DTD1: variants seen among roughly 807,000 people sequenced by gnomAD.
DTD1 encodes the protein D-tyrosyl-tRNA deacylase 1 homolog.
DTD1 carries 13 observed loss-of-function variants against 25.6 expected under a neutral mutation model. The ratio of observed to expected loss-of-function variants is 0.51; its 90% CI spans 0.33 to 0.81. The LOEUF (loss-of-function observed/expected upper bound fraction) is 0.81, where lower values mean the gene tolerates loss of function less well. Ranked by LOEUF, DTD1 falls within the 30% of genes least tolerant of loss-of-function variation. The pLI is 0.02. For synonymous variants in DTD1, 110 were observed against 103.6 expected, an observed-to-expected ratio of 1.06 and a Z score of -0.37; for missense variants, 193 against 266.4, an observed-to-expected ratio of 0.72 and a Z score of 1.92.
chr20:18,711,157 A>G lies in DTD1; in HGVS notation c.478-32943A>G, dbSNP rs190373173. ...GCTATTCTCAGCCCTGTGTGAGCGC[A>G]GGTGTTGTAAGCACTAATCTTTTCC... On this transcript the variant is annotated intron_variant, in intron 4 of 5. Coordinates refer to ENST00000377452, the MANE Select transcript of DTD1 (RefSeq NM_080820.6). Among the ~76,000 whole-genome samples, 328 of 152,268 alleles carry G rather than the reference A, an allele frequency of 2.2e-3. 2 individuals carry two copies. Among genetic ancestry groups the G allele is most frequent in the African/African-American group, 7.4e-3 (309 of 41,552 alleles).
At chr20:18,629,851 A>G (rs1228377407) in intron 4 of DTD1, among the ~76,000 whole-genome samples, 1 of 152,008 alleles carries the variant, frequency 6.6e-6, no homozygotes, top group Admixed American at 6.6e-5. Flanking sequence ...AAGAGAAAGC[A>G]GGGGGATGTA....
chr20:18,668,641 C>T (rs1447313974), intron 4 of DTD1, among the ~76,000 whole-genome samples: 1 of 152,134 alleles, frequency 6.6e-6, no homozygotes, highest in Non-Finnish European at 1.5e-5. Flanking sequence ...GACTGAGCCC[C>T]CGAGTCATTA....
Position 18,749,700 on chromosome 20 carries a change from C to T in DTD1, c.*19+5429C>T, listed in dbSNP as rs1014402053. ...AGACACCAAACTTCAAGTAGCCCACCGTCCCTCAGTGGTGCAGTGTCAGGG... is the reference window on the plus strand; with the variant it reads ...AGACACCAAACTTCAAGTAGCCCACTGTCCCTCAGTGGTGCAGTGTCAGGG... On this transcript the variant is annotated intron_variant, in intron 5 of 5. Transcript: ENST00000377452. This position sits in a 1 kb window ranked among gnomAD's most constrained non-coding sequence, Gnocchi z 4.2. Among the ~76,000 whole-genome samples the T allele has an allele frequency of 1.3e-5, 2 of 152,288 alleles. No homozygotes were observed. Among genetic ancestry groups the T allele is most frequent in the South Asian group, 2.1e-4 (1 of 4,824 alleles).
At chr20:18,717,392 A>G (rs951021665) in intron 4 of DTD1, among the ~76,000 whole-genome samples, 3 of 152,246 alleles carry the variant, frequency 2.0e-5, no homozygotes, top group Admixed American at 1.3e-4. Flanking sequence ...AAATGGTGCC[A>G]TGTACAGTCT....
intron 4 of DTD1, among the ~76,000 whole-genome samples, chr20:18,670,253 C>T (rs998641880): frequency 2.0e-5 from 3 of 152,096 alleles, no homozygotes; most frequent in African/African-American, 7.2e-5. Context: ...GTTAGGAGTT[C>T]GAGACCAGCC....
intron 4 of DTD1, among the ~76,000 whole-genome samples, chr20:18,656,877 A>G (rs2060893485): frequency 8.7e-6 from 1 of 115,474 alleles, no homozygotes; most frequent in Admixed American, 8.8e-5. Flanking sequence ...TTTTAATGGC[A>G]ATATTCTTTT....
At chr20:18,624,371 C>T (rs111518649) in intron 3 of DTD1, among the ~76,000 whole-genome samples, 54 of 152,356 alleles carry the variant, frequency 3.5e-4, no homozygotes, top group African/African-American at 1.3e-3. Flanking sequence ...CCCATTATCA[C>T]AGTCCCAGGG....
intron 4 of DTD1, among the ~76,000 whole-genome samples, chr20:18,646,792 C>T (rs1341371101): frequency 2.0e-5 from 3 of 152,182 alleles, no homozygotes; most frequent in Non-Finnish European, 4.4e-5. Flanking sequence ...AGAAAAAACC[C>T]ACAACCCAAC....
chr20:18,679,471 C>T (rs923289821), intron 4 of DTD1, among the ~76,000 whole-genome samples: 5 of 152,146 alleles, frequency 3.3e-5, no homozygotes, highest in African/African-American at 4.8e-5. Flanking sequence ...TTTTGGAGAA[C>T]AGATATTAAA....
chr20:18,713,024 C>T (rs546531373), intron 4 of DTD1, among the ~76,000 whole-genome samples: 1 of 152,374 alleles, frequency 6.6e-6, no homozygotes, highest in South Asian at 2.1e-4. Context: ...TCCACTTTCC[C>T]AGCCTTCCTT....
At chr20:18,690,047 G>A (rs1213864388) in intron 4 of DTD1, among the ~76,000 whole-genome samples, 1 of 149,604 alleles carries the variant, frequency 6.7e-6, no homozygotes, top group African/African-American at 2.5e-5. Flanking sequence ...GAGGTGGGAG[G>A]ATCACTTGAG....
At chr20:18,675,359 C>T (rs1347864423) in intron 4 of DTD1, 2 of 152,304 alleles carry the variant, frequency 1.3e-5, no homozygotes, top group Admixed American at 1.3e-4. Context: ...TCACTGGGGA[C>T]CATTTTGAAG....
intron 4 of DTD1, among the ~76,000 whole-genome samples, chr20:18,696,008 A>ATT (rs1353863117): frequency 6.6e-6 from 1 of 152,076 alleles, no homozygotes; most frequent in Non-Finnish European, 1.5e-5. Flanking sequence ...AGATAGGAGG[A>ATT]TTTAAGGCTT....
chr20:18,730,154 C>G (rs913630899), intron 4 of DTD1, among the ~76,000 whole-genome samples: 45 of 152,136 alleles, frequency 3.0e-4, no homozygotes, highest in African/African-American at 1.1e-3. Context: ...ATCAACACCT[C>G]AAGTGGTAAA....
intron 4 of DTD1, among the ~76,000 whole-genome samples, chr20:18,635,936 A>T (rs748330604): frequency 6.6e-6 from 1 of 152,216 alleles, no homozygotes; most frequent in Non-Finnish European, 1.5e-5. Context: ...TGTCTGGTAA[A>T]TTAAAAACTA....
intron 3 of DTD1, among the ~76,000 whole-genome samples, chr20:18,625,000 T>C (rs927638972): frequency 2.0e-5 from 3 of 152,182 alleles, no homozygotes; most frequent in African/African-American, 7.2e-5. Flanking sequence ...CATAGTTAGG[T>C]ATTTTGGGTC....
chr20:18,698,917 T>G (rs1420465689), intron 4 of DTD1, among the ~76,000 whole-genome samples: 1 of 152,176 alleles, frequency 6.6e-6, no homozygotes, highest in Non-Finnish European at 1.5e-5. Context: ...GTCCTCTACC[T>G]CATCTCCTCT....
chr20:18,759,958 T>C (rs1193239519), intron 5 of DTD1, among the ~76,000 whole-genome samples: 2 of 152,236 alleles, frequency 1.3e-5, no homozygotes, highest in African/African-American at 4.8e-5. Context: ...TTCTCTAAAC[T>C]TCTCTTCTCG....
intron 4 of DTD1, among the ~76,000 whole-genome samples, chr20:18,658,162 T>G (rs1050362688): frequency 1.3e-5 from 2 of 151,040 alleles, no homozygotes; most frequent in Non-Finnish European, 3.0e-5. Flanking sequence ...GGAAGAACAT[T>G]CTAGGCAGAG....
Sources: allele counts gnomAD v4.1 joint callset (sites outside exome capture counted in the v4.1 genomes callset), GRCh38; gene constraint gnomAD v4.1.1; non-coding constraint Gnocchi (gnomAD v3.1); transcripts MANE v1.5; gene names NCBI Gene and HGNC (gene_info 2026-07-23, HGNC 2026-07-21).